The following CDH4 variants were observed in gnomAD, a reference collection of about 807,000 sequenced individuals.
The protein encoded by CDH4 is cadherin-4.
Under a neutral mutation model 86.0 loss-of-function variants are expected in CDH4, and 33 were observed. The observed-to-expected ratio is 0.38, with a 90% CI of 0.29 to 0.51. The LOEUF is 0.51. Ranked by LOEUF, CDH4 falls within the 20% of genes least tolerant of loss-of-function variation. The pLI is 0.86. For missense variants in CDH4, 1,114 were observed against 1,307.4 expected, an observed-to-expected ratio of 0.85 and a Z score of 2.28; for synonymous variants, 555 against 549.4, an observed-to-expected ratio of 1.01 and a Z score of -0.14.
At chr20:61,429,678 G>A (rs1193429585) in intron 2 of CDH4, among the ~76,000 whole-genome samples, 3 of 151,554 alleles carry the variant, frequency 2.0e-5, no homozygotes, top group Admixed American at 1.3e-4. Flanking sequence ...TGGATGGATG[G>A]GTGGATAGAT....
chr20:61,522,035 G>C (rs865844669), intron 2 of CDH4, among the ~76,000 whole-genome samples: 4 of 152,210 alleles, frequency 2.6e-5, no homozygotes, highest in African/African-American at 9.6e-5. Flanking sequence ...GTTTGTATGT[G>C]GTGAGAGTGA....
chr20:61,675,099 G>T (rs1370467743), intron 2 of CDH4, among the ~76,000 whole-genome samples: 1 of 152,230 alleles, frequency 6.6e-6, no homozygotes, highest in Non-Finnish European at 1.5e-5. Flanking sequence ...GCAGGAAGGG[G>T]CTAGGTCTGA....
intron 3 of CDH4, among the ~76,000 whole-genome samples, chr20:61,753,318 G>A (rs999553772): frequency 6.6e-6 from 1 of 152,108 alleles, no homozygotes; most frequent in African/African-American, 2.4e-5. Flanking sequence ...TTATTTTAGC[G>A]ACTCTGGGGA....
At chr20:61,317,760 A>G (rs2123235039) in intron 2 of CDH4, among the ~76,000 whole-genome samples, 1 of 152,188 alleles carries the variant, frequency 6.6e-6, no homozygotes, top group African/African-American at 2.4e-5. Context: ...CGAGACCCCC[A>G]CGGTTCTAGA....
intron 2 of CDH4, among the ~76,000 whole-genome samples, chr20:61,735,598 T>TG (rs2088252995): frequency 6.6e-6 from 1 of 152,094 alleles, no homozygotes; most frequent in East Asian, 1.9e-4. Context: ...GCCAGCGCCT[T>TG]CGGGGCCACT....
intron 2 of CDH4, among the ~76,000 whole-genome samples, chr20:61,509,566 T>C (rs1200835904): frequency 6.6e-6 from 1 of 150,430 alleles, no homozygotes; most frequent in Non-Finnish European, 1.5e-5. Flanking sequence ...CCTAGCAGCA[T>C]GGCAAGAGGA....
chr20:61,383,493 ATATAT>A lies in CDH4; in HGVS notation c.169+128562_169+128566del, dbSNP rs1342678629. On this transcript the variant is annotated intron_variant, in intron 2 of 15. Transcript: ENST00000614565. ...TATGAATATATATGATATATATGAAATATATTATATATGATATATATGAATATGTA... is the reference window on the plus strand; with the variant it reads ...TATGAATATATATGATATATATGAAATATATATGATATATATGAATATGTA... Among the ~76,000 whole-genome samples the A allele has an allele frequency of 9.7e-4, 56 of 57,668 alleles. 6 individuals are homozygous for A. Among genetic ancestry groups the A allele is most frequent in the South Asian group, 1.6e-3 (4 of 2,460 alleles). 37.8% of individuals were successfully genotyped at this position (57,668 alleles called of 152,430 possible).
chr20:61,846,420 C>T (rs1036951860), intron 5 of CDH4, among the ~76,000 whole-genome samples: 3 of 152,174 alleles, frequency 2.0e-5, no homozygotes, highest in African/African-American at 4.8e-5. Flanking sequence ...CGTCAACACG[C>T]GTCTACAACA....
At chr20:61,555,497 T>C (rs1226774244) in intron 2 of CDH4, among the ~76,000 whole-genome samples, 2 of 152,048 alleles carry the variant, frequency 1.3e-5, no homozygotes, top group Non-Finnish European at 2.9e-5. Flanking sequence ...CCTCCCTCAC[T>C]CTCCAGCCCG....
intron 2 of CDH4, among the ~76,000 whole-genome samples, chr20:61,700,575 C>T (rs986212082): frequency 2.0e-5 from 3 of 152,342 alleles, no homozygotes; most frequent in African/African-American, 4.8e-5. Flanking sequence ...CATCAGCCTC[C>T]GTGCATGCCT....
chr20:61,747,210 G>A (rs1748918836), intron 3 of CDH4, among the ~76,000 whole-genome samples: 1 of 152,234 alleles, frequency 6.6e-6, no homozygotes, highest in South Asian at 2.1e-4. Context: ...GGGAGGCCGA[G>A]GCGGGCGGAT....
intron 2 of CDH4, among the ~76,000 whole-genome samples, chr20:61,683,751 C>T (rs1030424387): frequency 2.0e-5 from 3 of 152,262 alleles, no homozygotes; most frequent in African/African-American, 4.8e-5. Context: ...ACAGTTACCA[C>T]TCACTGTCCT....
At chr20:61,322,321 G>A (rs2084513377) in intron 2 of CDH4, among the ~76,000 whole-genome samples, 1 of 152,200 alleles carries the variant, frequency 6.6e-6, no homozygotes, top group Admixed American at 6.5e-5. Context: ...GGCTCTGTGG[G>A]TGCACCAGGC....
intron 4 of CDH4, among the ~76,000 whole-genome samples, chr20:61,809,460 A>T (rs992316126): frequency 6.6e-6 from 1 of 152,242 alleles, no homozygotes; most frequent in African/African-American, 2.4e-5. Flanking sequence ...AGTATCCTGA[A>T]AACAAGTGAC....
At chr20:61,587,276 G>A (rs1196094899) in intron 2 of CDH4, among the ~76,000 whole-genome samples, 1 of 152,074 alleles carries the variant, frequency 6.6e-6, no homozygotes, top group African/African-American at 2.4e-5. Context: ...GGACAGGGCC[G>A]GGCAGGTGGA....
At chr20:61,425,591 C>T (rs2085208647) in intron 2 of CDH4, among the ~76,000 whole-genome samples, 1 of 152,260 alleles carries the variant, frequency 6.6e-6, no homozygotes, top group Non-Finnish European at 1.5e-5. Flanking sequence ...AGAGCACATC[C>T]CGCAGGAGGG....
At chr20:61,574,520 C>CA (rs1651642374) in intron 2 of CDH4, among the ~76,000 whole-genome samples, 1 of 152,190 alleles carries the variant, frequency 6.6e-6, no homozygotes, top group Non-Finnish European at 1.5e-5. Flanking sequence ...GCCTTCTCCC[C>CA]ATTTGTGAAT....
intron 2 of CDH4, among the ~76,000 whole-genome samples, chr20:61,319,034 T>C (rs776873313): frequency 6.6e-6 from 1 of 152,228 alleles, no homozygotes; most frequent in African/African-American, 2.4e-5. Context: ...GATAAACAGA[T>C]GACTTAGTTT....
intron 2 of CDH4, among the ~76,000 whole-genome samples, chr20:61,293,834 C>T (rs2084336585): frequency 1.3e-5 from 2 of 152,206 alleles, no homozygotes; most frequent in African/African-American, 4.8e-5. Context: ...CTTCCTGGCC[C>T]CTCACCAGGG....
Sources: allele counts gnomAD v4.1 joint callset (sites outside exome capture counted in the v4.1 genomes callset), GRCh38; gene constraint gnomAD v4.1.1; transcripts MANE v1.5; gene names NCBI Gene and HGNC (gene_info 2026-07-23, HGNC 2026-07-21).